The following EPRS1 variants were observed in gnomAD, a reference collection of about 807,000 sequenced individuals.
EPRS1 encodes the protein glutamyl-prolyl-tRNA synthetase 1, also known as bifunctional glutamate/proline--tRNA ligase.
In EPRS1, 107 loss-of-function variants were observed where a neutral mutation model predicts 188.3. That is an observed-to-expected ratio of 0.57 (90% CI 0.49 to 0.67). The LOEUF (loss-of-function observed/expected upper bound fraction) is 0.67. Ranked by LOEUF, EPRS1 falls within the 30% of genes least tolerant of loss-of-function variation. The pLI is 0.00. For missense variants in EPRS1, 1,577 were observed against 1,802.2 expected, an observed-to-expected ratio of 0.88 and a Z score of 2.26; for synonymous variants, 596 against 593.1, an observed-to-expected ratio of 1.00 and a Z score of -0.07.
Position 219,987,355 on chromosome 1 carries a change from T to C in EPRS1, c.2825A>G (p.Tyr942Cys), listed in dbSNP as rs1370356429. 9.3e-6 allele frequency: 15 copies of C among 1,613,178 alleles called. No individual in the cohort carries two copies. Among genetic ancestry groups the C allele is most frequent in the Non-Finnish European group, 3.4e-6 (4 of 1,179,656 alleles). Reference sequence around the variant, plus strand: ...ATACTCTACTCCTATCAAAGACTTGTACTGTGCCTTTAGCTGAAGGAGTTC... The same window carrying C: ...ATACTCTACTCCTATCAAAGACTTGCACTGTGCCTTTAGCTGAAGGAGTTC... ...VQELLQLKAQ[Y>C]KSLIGVEYKP... is the part of the protein sequence containing the mutation. The change falls in exon 20 of 32, where the codon TAC (tyrosine) becomes TGC (cysteine). Residue 942 changes from tyrosine (Y) to cysteine (C), a missense_variant. By Grantham distance (194) the Tyr-to-Cys change is radical. This residue lies in a region of EPRS1 where 1,278 missense variants were observed against 1,457.4 expected (regional missense o/e 0.88). Coordinates refer to ENST00000366923, the MANE Select transcript of EPRS1 (RefSeq NM_004446.3).
Position 220,033,576 on chromosome 1 carries a change from C to A in EPRS1, c.314G>T (p.Cys105Phe). ...AACTAAGTATGTTCTCAGAGACAGG[C>A]AATGATTGAGTTCATTAATTGTAGA... ...FTSTINELNH[C>F]LSLRTYLVGN... Residue 105 changes from cysteine to phenylalanine, a missense_variant, in exon 4 of 32, where the codon TGC becomes TTC. This residue lies in a region of EPRS1 where 1,278 missense variants were observed against 1,457.4 expected (regional missense o/e 0.88). Coordinates refer to ENST00000366923, the MANE Select transcript of EPRS1 (RefSeq NM_004446.3). 1 of 1,611,238 alleles carries A rather than the reference C, an allele frequency of 6.2e-7. No homozygotes were observed.
At chr1:220,025,309 T>C in intron 6 of EPRS1, 51 bp from the exon 7 acceptor site, 1 of 1,423,022 alleles carries the variant, frequency 7.0e-7, no homozygotes, top group Middle Eastern at 2.2e-4. Context: ...TTTAACTAAA[T>C]ACTTAAACTT....
chr1:220,035,101 C>T, intron 2 of EPRS1, 88 bp from the exon 3 acceptor site: 1 of 666,512 alleles, frequency 1.5e-6, no homozygotes, highest in Non-Finnish European at 2.6e-6. Flanking sequence ...AAAATGGAAA[C>T]TTTATTATAT....
chr1:220,027,589 C>CAAA (rs374947643), intron 6 of EPRS1, among the ~76,000 whole-genome samples: 14,110 of 78,416 alleles, frequency 0.18, 1,768 homozygotes, highest in Admixed American at 0.27. Flanking sequence ...GAGGCTATGT[C>CAAA]AAAAAAAAAA....
chr1:220,034,821 G>T, intron 3 of EPRS1, 93 bp downstream of exon 3: 1 of 784,078 alleles, frequency 1.3e-6, no homozygotes, highest in Non-Finnish European at 2.3e-6. Flanking sequence ...TCCTTAAGTA[G>T]AATAGTTCAT....
At chr1:220,030,254 T>C (rs2270711) in intron 6 of EPRS1, 132 bp downstream of exon 6, 106,155 of 586,620 alleles carry the variant, frequency 0.18, 10,658 homozygotes, top group Admixed American at 0.3. Context: ...ACGTTTAGAA[T>C]TTTAACTCTC....
chr1:220,024,459 G>A lies in EPRS1; in HGVS notation c.751-3C>T. Reference sequence around the variant, plus strand: ...ATTGCAACATCTTCCAAGATAACCTGTAGTAAGAAACCAAAATAACCATCA... The same window carrying A: ...ATTGCAACATCTTCCAAGATAACCTATAGTAAGAAACCAAAATAACCATCA... On this transcript the variant is annotated splice_region_variant and splice_polypyrimidine_tract_variant and intron_variant, in intron 7 of 31. Transcript: ENST00000366923. 6.3e-7 allele frequency: 1 copy of A among 1,587,394 alleles called. No homozygotes were observed.
chr1:219,977,238 G>A (rs78613661), intron 28 of EPRS1, among the ~76,000 whole-genome samples: 2,097 of 152,100 alleles, frequency 0.014, 52 homozygotes, highest in African/African-American at 0.049. Context: ...CTTTCTCAAT[G>A]TTCTTTAACT....
Position 220,020,001 on chromosome 1 carries a change from G to A in EPRS1, c.1336C>T (p.Leu446=). ...RKLTWFVNEG[L]VDGWDDPRFP... ...CATTAAACATACCATCCATCTACTAGTCCTTCATTGACAAACCATGTGAGT... is the reference window on the plus strand; with the variant it reads ...CATTAAACATACCATCCATCTACTAATCCTTCATTGACAAACCATGTGAGT... Residue 446 remains leucine, a synonymous_variant, in exon 10 of 32, where the codon CTA becomes TTA. Coordinates refer to ENST00000366923, the MANE Select transcript of EPRS1 (RefSeq NM_004446.3). 6.2e-7 allele frequency: 1 copy of A among 1,607,578 alleles called. No homozygotes were observed. The highest frequency in any genetic ancestry group is 8.5e-7 in the Non-Finnish European group (1 of 1,174,160).
chr1:220,027,453 G>A (rs1408690949), intron 6 of EPRS1, among the ~76,000 whole-genome samples: 3 of 151,310 alleles, frequency 2.0e-5, no homozygotes, highest in Admixed American at 6.6e-5. Context: ...TTATCTGGGC[G>A]TGGTGGTGGG....
chr1:220,014,976 A>G (rs1661674016), intron 12 of EPRS1, among the ~76,000 whole-genome samples: 1 of 152,254 alleles, frequency 6.6e-6, no homozygotes, highest in African/African-American at 2.4e-5. Flanking sequence ...AGAGAACAAG[A>G]GAAACACTGG....
intron 21 of EPRS1, among the ~76,000 whole-genome samples, chr1:219,983,848 G>A (rs1053209825): frequency 3.4e-5 from 5 of 145,980 alleles, no homozygotes; most frequent in African/African-American, 5.1e-5. Flanking sequence ...AGCCAAGATC[G>A]CACCACTGCA....
chr1:219,972,035 T>C, intron 30 of EPRS1, 34 bp downstream of exon 30: 4 of 1,328,348 alleles, frequency 3.0e-6, no homozygotes, highest in South Asian at 1.3e-5. Context: ...TACTTAAATA[T>C]TCTTATACTG....
At chr1:220,045,328 C>T (rs1662379785) in intron 1 of EPRS1, among the ~76,000 whole-genome samples, 2 of 152,122 alleles carry the variant, frequency 1.3e-5, no homozygotes, top group African/African-American at 4.8e-5. Context: ...GAAACGCCAT[C>T]TTTCCAAAAA....
intron 20 of EPRS1, among the ~76,000 whole-genome samples, chr1:219,985,698 C>A (rs1234621069): frequency 6.6e-6 from 1 of 152,170 alleles, no homozygotes; most frequent in African/African-American, 2.4e-5. Flanking sequence ...AACCACCACG[C>A]CTGGCCTCAA....
chr1:220,008,311 T>C (rs1241951478), intron 13 of EPRS1, among the ~76,000 whole-genome samples: 1 of 151,946 alleles, frequency 6.6e-6, no homozygotes, highest in East Asian at 1.9e-4. Flanking sequence ...ATAAGTAAAT[T>C]TTCTGCCTTT....
intron 28 of EPRS1, among the ~76,000 whole-genome samples, chr1:219,974,100 T>C (rs1558269116): frequency 2.0e-5 from 3 of 152,080 alleles, no homozygotes; most frequent in Non-Finnish European, 2.9e-5. Flanking sequence ...CCTACCACCA[T>C]GCCTGGCTAA....
At position 219,997,350 on chromosome 1, in the gene EPRS1, G is replaced by C. The variant is rs371947131; in HGVS notation, c.2182-8C>G. On this transcript the variant is annotated splice_region_variant and splice_polypyrimidine_tract_variant and intron_variant, in intron 17 of 31. Coordinates refer to ENST00000366923, the MANE Select transcript of EPRS1 (RefSeq NM_004446.3). ...CTTAAAAGGAGCAGAGGTCTACCAAGAGAGAAAACCAAAAGTAAAATAATT... is the reference window on the plus strand; with the variant it reads ...CTTAAAAGGAGCAGAGGTCTACCAACAGAGAAAACCAAAAGTAAAATAATT... 32 of 1,539,774 alleles carry C rather than the reference G, an allele frequency of 2.1e-5. No homozygotes were observed. The highest frequency in any genetic ancestry group is 2.8e-5 in the Non-Finnish European group (32 of 1,147,874).
rs1661024361 is a variant in EPRS1, at chr1:219,987,295, T to C, written c.2885A>G (p.Asp962Gly). ...PVSATGAEDK[D>G]KKKKEKENKS... ...ATTTTCTTTTTCTTTCTTCTTCTTA[T>C]CTTTGTCCTCAGCTCCAGTGGCCGA... The change falls in exon 20 of 32, where the codon GAT becomes GGT. Residue 962 changes from aspartate to glycine, a missense_variant. Transcript: ENST00000366923. 6.2e-7 allele frequency: 1 copy of C among 1,614,052 alleles called. No homozygotes were observed. Among genetic ancestry groups the C allele is most frequent in the Non-Finnish European group, 8.5e-7 (1 of 1,179,976 alleles).
Sources: allele counts gnomAD v4.1 joint callset (sites outside exome capture counted in the v4.1 genomes callset), GRCh38; gene constraint gnomAD v4.1.1; regional missense constraint gnomAD v4.1.1; transcripts MANE v1.5; gene names NCBI Gene and HGNC (gene_info 2026-07-23, HGNC 2026-07-21).